The following TRIM45 variants were observed in gnomAD, a reference collection of about 807,000 sequenced individuals.
TRIM45 encodes E3 ubiquitin-protein ligase TRIM45.
Under a neutral mutation model 46.7 loss-of-function variants are expected in TRIM45, and 45 were observed. The observed-to-expected ratio is 0.96, with a 90% confidence interval of 0.76 to 1.24. The LOEUF (loss-of-function observed/expected upper bound fraction) is 1.24. TRIM45 is among the 50% of genes most tolerant of loss of function. The pLI is 0.00. For missense variants in TRIM45, 680 were observed against 728.4 expected, an observed-to-expected ratio of 0.93 and a Z score of 0.77; for synonymous variants, 259 against 285.8, an observed-to-expected ratio of 0.91 and a Z score of 0.94.
chr1:117,118,283 G>A lies in TRIM45; in HGVS notation c.973C>T (p.Arg325Trp), dbSNP rs771966724. 22 of 1,614,036 alleles carry A rather than the reference G, an allele frequency of 1.4e-5. No individual in the cohort carries two copies. The East Asian group carries it at 2.7e-4, about 20-fold the overall frequency. Residue 325 changes from arginine to tryptophan, a missense_variant, in exon 2 of 6, where the codon CGG (arginine) becomes TGG (tryptophan). Transcript: ENST00000256649. This position sits in a 1 kb window ranked among gnomAD's most constrained non-coding sequence, Gnocchi z 5.7. ...TGCTCGGTGAACTCCACTCCAGTCC[G>A]CATGTCTGCCAGTAACTGTTCCAGC... ...AQLEQLLADM[R>W]TGVEFTEHLL...
At position 117,121,252 on chromosome 1, in the gene TRIM45, A is replaced by G. The variant is rs557625047; in HGVS notation, c.-51T>C. On this transcript the variant is annotated 5_prime_UTR_variant, in exon 1 of 6. Coordinates refer to ENST00000256649, the MANE Select transcript of TRIM45 (RefSeq NM_025188.4). The surrounding 1 kb of genome is among the most constrained non-coding windows in gnomAD (Gnocchi z 4.2). ...AGAAAGGGCCCTGGGCAGTTCTACG[A>G]TTTAGTAGCAGGTGATTAAGCCCAC... 9 of 1,500,348 alleles carry G rather than the reference A, an allele frequency of 6.0e-6. No individual in the cohort carries two copies. The East Asian group carries it at 2.0e-4, about 34-fold the overall frequency. 92.9% of individuals were successfully genotyped at this position (1,500,348 alleles called of 1,614,324 possible).
In TRIM45 at chr1:117,113,224, C is replaced by G. The variant is rs1270337884; in HGVS notation, c.1594+135G>C. Reference sequence around the variant, plus strand: ...AGTGACACTTTTAGAACAGTGGTGTCTCTACAATCACAGACTGTGCTTCCT... The same window carrying G: ...AGTGACACTTTTAGAACAGTGGTGTGTCTACAATCACAGACTGTGCTTCCT... On this transcript the variant is annotated intron_variant, in intron 5 of 5. Coordinates refer to ENST00000256649, the MANE Select transcript of TRIM45 (RefSeq NM_025188.4). The surrounding 1 kb of genome is among the most constrained non-coding windows in gnomAD (Gnocchi z 4.0). 2 of 1,261,016 alleles carry G rather than the reference C, an allele frequency of 1.6e-6. No individual in the cohort carries two copies. Among genetic ancestry groups the G allele is most frequent in the South Asian group, 2.9e-5 (2 of 70,142 alleles). The allele number at this position is 1,261,016 out of a possible 1,614,324, so 78.1% of individuals were successfully genotyped here. A position where few individuals can be genotyped will look rare whatever the true frequency, so the allele number is the denominator to read the frequency against.
Position 117,121,235 on chromosome 1 carries a change from C to A in TRIM45, c.-34G>T. ...CGTTTGTGACCAATATTAGAAAGGGCCCTGGGCAGTTCTACGATTTAGTAG... is the reference window on the plus strand; with the variant it reads ...CGTTTGTGACCAATATTAGAAAGGGACCTGGGCAGTTCTACGATTTAGTAG... On this transcript the variant is annotated 5_prime_UTR_variant, in exon 1 of 6. Coordinates refer to ENST00000256649, the MANE Select transcript of TRIM45 (RefSeq NM_025188.4). The surrounding 1 kb of genome is among the most constrained non-coding windows in gnomAD (Gnocchi z 4.2). The A allele has an allele frequency of 2.0e-6, 3 of 1,509,942 alleles. No individual in the cohort carries two copies. Among genetic ancestry groups the A allele is most frequent in the Non-Finnish European group, 2.6e-6 (3 of 1,138,196 alleles). The allele number at this position is 1,509,942 out of a possible 1,614,324, so 93.5% of individuals were successfully genotyped here. A position where few individuals can be genotyped will look rare whatever the true frequency, so the allele number is the denominator to read the frequency against.
rs548150702 is a variant in TRIM45 at position 117,116,929 on chromosome 1, G to C, written c.1223-184C>G. 1.3e-5 allele frequency among the ~76,000 whole-genome samples: 2 copies of C among 151,998 alleles called. No homozygotes were observed. The highest frequency in any genetic ancestry group is 2.4e-5 in the African/African-American group (1 of 41,346). On this transcript the variant is annotated intron_variant, in intron 2 of 5. Transcript: ENST00000256649. The surrounding 1 kb of genome is among the most constrained non-coding windows in gnomAD (Gnocchi z 4.6). ...TTGGGAGTCCTTCCTGGTTGGCCTG[G>C]TTCTCTCAGCTAGCAGCTGCTTTGG...
chr1:117,114,082 T>A (rs981282989), intron 4 of TRIM45, among the ~76,000 whole-genome samples: 6 of 152,176 alleles, frequency 3.9e-5, no homozygotes, highest in African/African-American at 7.2e-5. Context: ...CTTCTCCAAT[T>A]TCTCAGCCAT....
upstream of TRIM45, chr1:117,122,503 G>C (rs1299598700): frequency 6.6e-6 from 1 of 152,374 alleles, no homozygotes; most frequent in African/African-American, 2.4e-5. Context: ...TGTCGGGCTC[G>C]GGAAGGCTTT....
chr1:117,114,245 T>C (rs557764548), intron 4 of TRIM45, among the ~76,000 whole-genome samples: 41 of 152,358 alleles, frequency 2.7e-4, no homozygotes, highest in Admixed American at 2.3e-3. Context: ...TTAGTAACTC[T>C]CCCATCTGCC....
rs61038562 is a variant in TRIM45, at chr1:117,115,716, C to G, written c.1353-27G>C. 1.1e-3 allele frequency: 1,661 copies of G among 1,488,940 alleles called. 16 individuals carry two copies. The African/African-American group carries it at 0.021, about 19-fold the overall frequency. The allele number at this position is 1,488,940 out of a possible 1,614,324, so 92.2% of individuals were successfully genotyped here. Reference sequence around the variant, plus strand: ...TGAATGGAGATAAGAGTCAAAACACCACTCACTTCCACAAGCTGGCTTCAG... The same window carrying G: ...TGAATGGAGATAAGAGTCAAAACACGACTCACTTCCACAAGCTGGCTTCAG... On this transcript the variant is annotated intron_variant, in intron 3 of 5. Coordinates refer to ENST00000256649, the MANE Select transcript of TRIM45 (RefSeq NM_025188.4). The surrounding 1 kb of genome is among the most constrained non-coding windows in gnomAD (Gnocchi z 4.2).
Position 117,111,970 on chromosome 1 carries a change from A to G in TRIM45, c.*335T>C. 1 of 168,550 alleles carries G rather than the reference A, an allele frequency of 5.9e-6. No individual in the cohort carries two copies. The allele number at this position is 168,550 out of a possible 1,614,324, so 10.4% of individuals were successfully genotyped here. A position where few individuals can be genotyped will look rare whatever the true frequency, so the allele number is the denominator to read the frequency against. On this transcript the variant is annotated 3_prime_UTR_variant, in exon 6 of 6. Coordinates refer to ENST00000256649, the MANE Select transcript of TRIM45 (RefSeq NM_025188.4). ...TTTAAAAAAAAAAAAAAAAGAAAAA[A>G]AAAGGGTTATATCAGAAAGGAACTA...
rs556023047 is a variant in TRIM45 at position 117,117,071 on chromosome 1, T to C, written c.1223-326A>G. Among the ~76,000 whole-genome samples, 7 of 152,180 alleles carry C rather than the reference T, an allele frequency of 4.6e-5. No homozygotes were observed. Among genetic ancestry groups the C allele is most frequent in the African/African-American group, 7.2e-5 (3 of 41,516 alleles). On this transcript the variant is annotated intron_variant, in intron 2 of 5. Coordinates refer to ENST00000256649, the MANE Select transcript of TRIM45 (RefSeq NM_025188.4). This position sits in a 1 kb window ranked among gnomAD's most constrained non-coding sequence, Gnocchi z 4.9. ...AACCTCTAGACCCTGTGAGAGAGGA[T>C]AGTAACCCCAAAACCACCCTCCCTA...
At chr1:117,119,631 A>G (rs570026887) in intron 1 of TRIM45, among the ~76,000 whole-genome samples, 15 of 152,024 alleles carry the variant, frequency 9.9e-5, no homozygotes, top group Non-Finnish European at 2.2e-4. Flanking sequence ...AAGAGAAAAG[A>G]AAGTGTGAAA....
chr1:117,122,641 G>C (rs1410345851), upstream of TRIM45: 2 of 152,288 alleles, frequency 1.3e-5, no homozygotes, highest in African/African-American at 4.8e-5. Context: ...ATCACGGAGG[G>C]CTCCTGCCTG....
chr1:117,114,422 C>A (rs192021457), intron 4 of TRIM45, among the ~76,000 whole-genome samples: 72 of 152,346 alleles, frequency 4.7e-4, no homozygotes, highest in African/African-American at 1.7e-3. Context: ...AGGCAATCCT[C>A]CCAAGTAGCT....
Position 117,116,477 on chromosome 1 carries a change from G to A in TRIM45, c.1352+139C>T, listed in dbSNP as rs775224076. ...TGGTCTTGAACTCTTGGGCTTAAGCGATCCTCCTGCCTCCACTTCCCAAAG... is the reference window on the plus strand; with the variant it reads ...TGGTCTTGAACTCTTGGGCTTAAGCAATCCTCCTGCCTCCACTTCCCAAAG... On this transcript the variant is annotated intron_variant, in intron 3 of 5. Coordinates refer to ENST00000256649, the MANE Select transcript of TRIM45 (RefSeq NM_025188.4). This position sits in a 1 kb window ranked among gnomAD's most constrained non-coding sequence, Gnocchi z 4.6. 6.7e-5 allele frequency: 78 copies of A among 1,162,152 alleles called. No homozygotes were observed. Among genetic ancestry groups the A allele is most frequent in the Non-Finnish European group, 9.0e-5 (75 of 831,606 alleles). The allele number at this position is 1,162,152 out of a possible 1,614,324, so 72.0% of individuals were successfully genotyped here.
chr1:117,122,837 C>T (rs1650709994), upstream of TRIM45, among the ~76,000 whole-genome samples: 1 of 152,170 alleles, frequency 6.6e-6, no homozygotes, highest in South Asian at 2.1e-4. Context: ...CTTTCCCCTC[C>T]ACCTGTTGTT....
chr1:117,114,243 T>A (rs578076912), intron 4 of TRIM45, among the ~76,000 whole-genome samples: 41 of 152,340 alleles, frequency 2.7e-4, no homozygotes, highest in Admixed American at 2.3e-3. Flanking sequence ...AATTAGTAAC[T>A]CTCCCATCTG....
intron 4 of TRIM45, among the ~76,000 whole-genome samples, chr1:117,114,333 A>C (rs1020396961): frequency 6.6e-6 from 1 of 152,238 alleles, no homozygotes; most frequent in African/African-American, 2.4e-5. Context: ...ATTTTTTTAA[A>C]GATGGGATCT....
At chr1:117,112,489 C>T (rs1650256471) in intron 5 of TRIM45, 36 bp from the exon 6 acceptor site, 1 of 1,576,494 alleles carries the variant, frequency 6.3e-7, no homozygotes, top group Non-Finnish European at 8.6e-7. Flanking sequence ...AAAAATCAAC[C>T]ATTAGCGTGG....
In TRIM45 at chr1:117,118,454, T is replaced by A; in HGVS notation, c.802A>T (p.Lys268Ter). The change falls in exon 2 of 6, where the codon AAG (lysine) becomes TAG (stop). Residue 268 changes from lysine (K) to a stop codon, truncating the protein, a stop_gained. Coordinates refer to ENST00000256649, the MANE Select transcript of TRIM45 (RefSeq NM_025188.4). LOFTEE classifies it high-confidence loss of function. This position sits in a 1 kb window ranked among gnomAD's most constrained non-coding sequence, Gnocchi z 5.7. Reference protein sequence around the residue: ...QIHIINSALQKRVEAVAADVR... With the variant: ...QIHIINSALQ ...TCAGCTGCCACTGCCTCCACTCGCT[T>A]CTGGAGGGCACTGTTTATTATGTGG... is the stretch of plus-strand genomic sequence containing the variant. The A allele has an allele frequency of 6.2e-7, 1 of 1,613,998 alleles. No individual in the cohort carries two copies. The highest frequency in any genetic ancestry group is 8.5e-7 in the Non-Finnish European group (1 of 1,180,008).
Sources: gnomAD v4.1 joint callset for allele counts (sites outside exome capture counted in the v4.1 genomes callset) on GRCh38, gnomAD v4.1.1 for gene constraint, Gnocchi (gnomAD v3.1) non-coding constraint, MANE v1.5 for transcripts, NCBI Gene and HGNC (gene_info 2026-07-23, HGNC 2026-07-21) for gene names.